Variants in NMRAL1 observed in about 807,000 individuals in gnomAD.
NMRAL1 encodes the protein nmrA-like family domain-containing protein 1.
Under a neutral mutation model 27.5 loss-of-function variants are expected in NMRAL1, and 32 were observed. The ratio of observed to expected loss-of-function variants is 1.16; its 90% CI spans 0.88 to 1.56. The LOEUF is 1.56. Ranked by LOEUF, NMRAL1 falls within the 40% of genes most tolerant of loss-of-function variation. The probability of loss-of-function intolerance (pLI) is 0.00; values close to 1 mark genes in which losing one functional copy is unlikely to be tolerated. For missense variants in NMRAL1, 420 were observed against 392.0 expected, an observed-to-expected ratio of 1.07 and a Z score of -0.60; for synonymous variants, 166 against 166.8, an observed-to-expected ratio of 1.00 and a Z score of 0.04.
intron 2 of NMRAL1, among the ~76,000 whole-genome samples, chr16:4,469,865 T>TA (rs2057485480): frequency 1.5e-5 from 2 of 136,338 alleles, no homozygotes; most frequent in Admixed American, 1.5e-4. Flanking sequence ...AGAATCTGTA[T>TA]TAAAAAAAAA....
upstream of NMRAL1, chr16:4,476,229 C>T (rs919674092): frequency 6.6e-6 from 1 of 152,340 alleles, no homozygotes; most frequent in African/African-American, 2.4e-5. Flanking sequence ...CGAAGCACGC[C>T]TACTTACCCC....
chr16:4,464,577 C>T (rs1421459456), intron 4 of NMRAL1, among the ~76,000 whole-genome samples: 3 of 151,008 alleles, frequency 2.0e-5, no homozygotes, highest in Non-Finnish European at 4.4e-5. Context: ...GCACAGAGCG[C>T]ACAGACCGGA....
At chr16:4,462,098 C>T (rs2057135369) in intron 5 of NMRAL1, 139 bp from the exon 6 acceptor site, 8 of 685,034 alleles carry the variant, frequency 1.2e-5, no homozygotes, top group Non-Finnish European at 1.8e-5. Flanking sequence ...CCCAGGTCCT[C>T]CGTACAAGGT....
At chr16:4,463,930 A>G in intron 4 of NMRAL1, 80 bp from the exon 5 acceptor site, 1 of 1,236,372 alleles carries the variant, frequency 8.1e-7, no homozygotes, top group Non-Finnish European at 1.1e-6. Context: ...AAAGGGTCCA[A>G]GCTGGTTCTT....
At position 4,462,019 on chromosome 16, in the gene NMRAL1, C is replaced by G. The variant is rs569677625; in HGVS notation, c.721-60G>C. ...TCCAGTGCCCCGGGAGGTGGCGGGG[C>G]AGGGAGGCCGGATGGGCTGGGGTCT... On this transcript the variant is annotated intron_variant, in intron 5 of 5. Transcript: ENST00000283429. 85 of 1,475,736 alleles carry G rather than the reference C, an allele frequency of 5.8e-5. No individual in the cohort carries two copies. In the South Asian group the frequency reaches 9.8e-4, roughly 17 times the overall value. 91.4% of individuals were successfully genotyped at this position (1,475,736 alleles called of 1,614,324 possible).
chr16:4,470,896 G>A lies in NMRAL1; in HGVS notation c.41-1431C>T, dbSNP rs34508841. Among the ~76,000 whole-genome samples, 888 of 150,584 alleles carry A rather than the reference G, an allele frequency of 5.9e-3. 9 individuals are homozygous for A. Among genetic ancestry groups the A allele is most frequent in the Non-Finnish European group, 0.01 (700 of 67,740 alleles). The stretch of plus-strand genomic sequence containing the variant: ...CAGGAGGTGGAGCTTGCAGTGAGCC[G>A]AGATCGCGCCACTGCACTCCAGCCT... On this transcript the variant is annotated intron_variant, in intron 2 of 5. Coordinates refer to ENST00000283429, the MANE Select transcript of NMRAL1 (RefSeq NM_020677.6).
chr16:4,468,772 C>A (rs181169842), intron 3 of NMRAL1, among the ~76,000 whole-genome samples: 2 of 152,128 alleles, frequency 1.3e-5, no homozygotes, highest in East Asian at 3.9e-4. Flanking sequence ...ACAACAGACA[C>A]TGGGAACCAC....
upstream of NMRAL1, among the ~76,000 whole-genome samples, chr16:4,475,563 C>G (rs1220390200): frequency 2.0e-5 from 3 of 151,928 alleles, no homozygotes; most frequent in Admixed American, 6.6e-5. Flanking sequence ...CTTCCCGCCT[C>G]AGGCTCCCAA....
At chr16:4,469,204 C>G (rs568531799) in intron 3 of NMRAL1, 23 bp downstream of exon 3, 152 of 1,569,388 alleles carry the variant, frequency 9.7e-5, no homozygotes, top group Admixed American at 2.5e-4. Flanking sequence ...CCGGGCCTCC[C>G]TGCAGCTCCT....
chr16:4,469,533 G>T lies in NMRAL1; in HGVS notation c.41-68C>A, dbSNP rs530881198. On this transcript the variant is annotated intron_variant, in intron 2 of 5. Coordinates refer to ENST00000283429, the MANE Select transcript of NMRAL1 (RefSeq NM_020677.6). ...AAGTCCCACTGAAGGGCGAAACCCC[G>T]AAGGGAGTGCTCCACCACAGCAAGG... 8.1e-6 allele frequency: 13 copies of T among 1,597,262 alleles called. No individual in the cohort carries two copies. The African/African-American group carries it at 1.7e-4, about 21-fold the overall frequency.
At chr16:4,466,053 C>T in intron 4 of NMRAL1, 100 bp downstream of exon 4, 1 of 1,461,034 alleles carries the variant, frequency 6.8e-7, no homozygotes, top group South Asian at 1.2e-5. Flanking sequence ...GGAGCCACGG[C>T]TTGAACCTGG....
intron 2 of NMRAL1, among the ~76,000 whole-genome samples, chr16:4,472,973 C>CTTTTTTTT: frequency 8.4e-6 from 1 of 119,732 alleles, no homozygotes; most frequent in Non-Finnish European, 1.7e-5. Flanking sequence ...TCATGGAGTT[C>CTTTTTTTT]TTTTTTTTTT....
At chr16:4,474,331 T>C (rs2057738529) in intron 1 of NMRAL1, 165 bp from the exon 2 acceptor site, 4 of 571,394 alleles carry the variant, frequency 7.0e-6, no homozygotes, top group Non-Finnish European at 1.3e-5. Flanking sequence ...GCGACCCACC[T>C]CGTGTCCCTT....
intron 2 of NMRAL1, chr16:4,469,763 A>C (rs1376723048): frequency 8.3e-6 from 3 of 362,206 alleles, no homozygotes; most frequent in Admixed American, 4.2e-5. Flanking sequence ...GCTACTCAGG[A>C]GGCTGAGGCA....
At chr16:4,474,050 G>A (rs1305567280) in intron 2 of NMRAL1, 43 bp downstream of exon 2, 11 of 1,534,336 alleles carry the variant, frequency 7.2e-6, no homozygotes, top group Non-Finnish European at 9.9e-6. Flanking sequence ...TCAGGGCTAG[G>A]CGCCCTGGCT....
chr16:4,469,149 C>T, intron 3 of NMRAL1, 78 bp downstream of exon 3: 5 of 915,482 alleles, frequency 5.5e-6, no homozygotes, highest in Non-Finnish European at 9.0e-6. Context: ...CTCCAACCTC[C>T]CTGCAGAGTC....
chr16:4,469,695 G>A (rs771066955), intron 2 of NMRAL1: 10 of 811,902 alleles, frequency 1.2e-5, no homozygotes, highest in African/African-American at 3.5e-5. Context: ...GTGAAACCCC[G>A]CCTCTATCAA....
chr16:4,472,239 C>T (rs958070353), intron 2 of NMRAL1, among the ~76,000 whole-genome samples: 11 of 152,016 alleles, frequency 7.2e-5, no homozygotes, highest in Non-Finnish European at 5.9e-5. Context: ...GTCAGGAGTT[C>T]GAGACCAGCC....
chr16:4,475,127 T>A (rs2057781283), upstream of NMRAL1, among the ~76,000 whole-genome samples: 1 of 151,238 alleles, frequency 6.6e-6, no homozygotes, highest in Non-Finnish European at 1.5e-5. Context: ...AATTTTTGTA[T>A]TTTTTAGTAG....
Sources: allele counts gnomAD v4.1 joint callset (sites outside exome capture counted in the v4.1 genomes callset), GRCh38; gene constraint gnomAD v4.1.1; transcripts MANE v1.5; gene names NCBI Gene and HGNC (gene_info 2026-07-23, HGNC 2026-07-21).